The following TADA2A variants were observed in gnomAD, a reference collection of about 807,000 sequenced individuals.
The protein encoded by TADA2A is transcriptional adaptor 2A, also known as transcriptional adapter 2-alpha.
A neutral mutation model predicts 67.4 loss-of-function variants in TADA2A; 38 were observed. The ratio of observed to expected loss-of-function variants is 0.56; its 90% confidence interval spans 0.44 to 0.74. The LOEUF (loss-of-function observed/expected upper bound fraction) is 0.74, where lower values mean the gene tolerates loss of function less well. Ranked by LOEUF, TADA2A falls within the 30% of genes least tolerant of loss-of-function variation. TADA2A has a pLI of 0.00. For synonymous variants in TADA2A, 192 were observed against 181.6 expected (o/e 1.06, Z -0.46); for missense variants, 454 against 547.0 (o/e 0.83, Z 1.70).
intron 2 of TADA2A, among the ~76,000 whole-genome samples, chr17:37,420,765 C>G (rs1006560980): frequency 7.5e-5 from 11 of 146,750 alleles, no homozygotes; most frequent in African/African-American, 2.7e-4. Context: ...CCTTGAAGAA[C>G]ATTTCTTGGA....
chr17:37,426,969 A>G lies in TADA2A; in HGVS notation c.152A>G (p.Glu51Gly). 1 of 1,596,942 alleles carries G rather than the reference A, an allele frequency of 6.3e-7. No individual in the cohort carries two copies. ...TTGCAGTGTTTCACTCGAGGCTTTG[A>G]GTACAAGAAACATCAAAGCGATCAT... is the stretch of plus-strand genomic sequence containing the variant. ...LCLQCFTRGF[E>G]YKKHQSDHTY... The change falls in exon 4 of 16, where the codon GAG becomes GGG. Residue 51 changes from glutamate to glycine, a missense_variant. By Grantham distance (98) the Glu-to-Gly change is moderately conservative. Transcript: ENST00000615182.
chr17:37,424,807 C>T (rs1203795293), intron 3 of TADA2A, among the ~76,000 whole-genome samples: 2 of 152,132 alleles, frequency 1.3e-5, no homozygotes, highest in South Asian at 4.1e-4. Context: ...CTGCCTGCCT[C>T]GGTCTCCCAA....
intron 6 of TADA2A, 130 bp downstream of exon 6, chr17:37,440,792 C>A: frequency 8.4e-7 from 1 of 1,193,478 alleles, no homozygotes; most frequent in South Asian, 1.5e-5. Flanking sequence ...GTTAGTATGG[C>A]AGCTATTGAG....
At chr17:37,473,552 T>C (rs1429720393) in intron 14 of TADA2A, among the ~76,000 whole-genome samples, 1 of 152,218 alleles carries the variant, frequency 6.6e-6, no homozygotes. Context: ...CCCTCCCCTT[T>C]CTCTGCCCCA....
intron 6 of TADA2A, among the ~76,000 whole-genome samples, chr17:37,442,009 C>G (rs1290836976): frequency 6.6e-6 from 1 of 152,136 alleles, no homozygotes; most frequent in African/African-American, 2.4e-5. Context: ...GCACTTTGTT[C>G]TCAAATCCAT....
intron 11 of TADA2A, among the ~76,000 whole-genome samples, chr17:37,466,693 C>G (rs1281990115): frequency 2.0e-5 from 3 of 152,154 alleles, no homozygotes; most frequent in African/African-American, 7.2e-5. Flanking sequence ...TCCTTTACTT[C>G]CTGTCCCAGT....
chr17:37,475,139 G>T (rs2053866179), intron 15 of TADA2A, among the ~76,000 whole-genome samples: 1 of 151,470 alleles, frequency 6.6e-6, no homozygotes, highest in Non-Finnish European at 1.5e-5. Flanking sequence ...TGTTAATTTT[G>T]ATTTTAAAAA....
chr17:37,419,233 T>C (rs2052153688), intron 2 of TADA2A, among the ~76,000 whole-genome samples: 1 of 145,320 alleles, frequency 6.9e-6, no homozygotes, highest in Non-Finnish European at 1.5e-5. Flanking sequence ...TGCAGTGGCA[T>C]GCTCAAGGCT....
At chr17:37,461,863 C>G in intron 9 of TADA2A, 1 of 488,272 alleles carries the variant, frequency 2.0e-6, no homozygotes, top group Non-Finnish European at 3.7e-6. Flanking sequence ...GGAGAGTCTA[C>G]TATGCCCAAC....
chr17:37,442,265 G>A (rs2147974493), intron 6 of TADA2A, among the ~76,000 whole-genome samples: 1 of 148,722 alleles, frequency 6.7e-6, no homozygotes, highest in Non-Finnish European at 1.5e-5. Flanking sequence ...TCATCCTAAG[G>A]GATAAGGGAG....
At chr17:37,412,984 G>A (rs2051924286) in intron 2 of TADA2A, among the ~76,000 whole-genome samples, 1 of 152,006 alleles carries the variant, frequency 6.6e-6, no homozygotes, top group South Asian at 2.1e-4. Flanking sequence ...CTGGAGTGCA[G>A]TGGCATGATC....
intron 8 of TADA2A, among the ~76,000 whole-genome samples, chr17:37,448,426 A>G (rs2053141220): frequency 6.6e-6 from 1 of 152,210 alleles, no homozygotes; most frequent in Non-Finnish European, 1.5e-5. Context: ...AAGTTCCGTG[A>G]TCCCTAATTG....
chr17:37,437,200 T>C (rs2052755552), intron 4 of TADA2A, among the ~76,000 whole-genome samples: 1 of 149,898 alleles, frequency 6.7e-6, no homozygotes, highest in African/African-American at 2.5e-5. Context: ...CATGCCATCC[T>C]CTTGCCTCAG....
At chr17:37,469,408 C>A (rs1358050950) in intron 12 of TADA2A, among the ~76,000 whole-genome samples, 1 of 151,568 alleles carries the variant, frequency 6.6e-6, no homozygotes, top group Non-Finnish European at 1.5e-5. Context: ...CCGAGGCGGG[C>A]GGATCACTTG....
intron 11 of TADA2A, 108 bp from the exon 12 acceptor site, chr17:37,467,346 C>T (rs2053687048): frequency 2.3e-6 from 2 of 856,754 alleles, no homozygotes; most frequent in African/African-American, 3.4e-5. Flanking sequence ...AAATGAACTT[C>T]CCTAGTCTTA....
At chr17:37,454,644 A>G (rs578012454) in intron 8 of TADA2A, 1 of 248,482 alleles carries the variant, frequency 4.0e-6, no homozygotes, top group East Asian at 1.1e-4. Context: ...TCCTCTACAG[A>G]AGAAAGCATA....
intron 4 of TADA2A, among the ~76,000 whole-genome samples, chr17:37,428,906 T>TGTG (rs886633029): frequency 9.2e-5 from 14 of 151,448 alleles, no homozygotes; most frequent in Non-Finnish European, 1.5e-4. Context: ...ATTAGCCAGG[T>TGTG]GTGGTGGTGG....
At chr17:37,456,101 G>T (rs1482007251) in intron 8 of TADA2A, among the ~76,000 whole-genome samples, 1 of 152,208 alleles carries the variant, frequency 6.6e-6, no homozygotes, top group African/African-American at 2.4e-5. Context: ...CTACTTGGGA[G>T]ACTGAGGCAG....
intron 8 of TADA2A, chr17:37,454,871 GCA>G (rs1195903640): frequency 4.5e-6 from 1 of 222,368 alleles, no homozygotes; most frequent in African/African-American, 2.3e-5. Context: ...TGCTGCTAAG[GCA>G]GCATCTACAC....
Sources: gnomAD v4.1 joint callset for allele counts (sites outside exome capture counted in the v4.1 genomes callset) on GRCh38, gnomAD v4.1.1 for gene constraint, MANE v1.5 for transcripts, NCBI Gene and HGNC (gene_info 2026-07-23, HGNC 2026-07-21) for gene names.